The following GALNTL6 variants were observed in gnomAD, a reference collection of about 807,000 sequenced individuals.
The protein encoded by GALNTL6 is polypeptide N-acetylgalactosaminyltransferase-like 6.
A neutral mutation model predicts 73.7 loss-of-function variants in GALNTL6; 46 were observed. The observed-to-expected ratio is 0.62, with a 90% confidence interval of 0.49 to 0.80. The LOEUF is 0.80. GALNTL6 is among the 30% of genes least tolerant of loss of function. GALNTL6 has a pLI of 0.00. For missense variants in GALNTL6, 604 were observed against 755.0 expected, an observed-to-expected ratio of 0.80 and a Z score of 2.34; for synonymous variants, 259 against 263.7, an observed-to-expected ratio of 0.98 and a Z score of 0.17.
intron 5 of GALNTL6, among the ~76,000 whole-genome samples, chr4:172,613,167 A>G (rs1738594088): frequency 6.6e-6 from 1 of 152,142 alleles, no homozygotes; most frequent in South Asian, 2.1e-4. Context: ...AGATAGACAT[A>G]TAGATGCTGG....
chr4:172,667,201 A>G (rs1163990937), intron 5 of GALNTL6: 1 of 152,154 alleles, frequency 6.6e-6, no homozygotes, highest in Non-Finnish European at 1.5e-5. Flanking sequence ...TTCCATTAGC[A>G]TTACAGCTAC....
At chr4:172,847,418 G>A (rs1450196383) in intron 7 of GALNTL6, among the ~76,000 whole-genome samples, 5 of 152,040 alleles carry the variant, frequency 3.3e-5, no homozygotes, top group African/African-American at 9.7e-5. Flanking sequence ...GTGCACAAAT[G>A]AGAAAGTTTG....
intron 5 of GALNTL6, among the ~76,000 whole-genome samples, chr4:172,442,085 T>C (rs1225588380): frequency 1.3e-5 from 2 of 152,170 alleles, no homozygotes; most frequent in Non-Finnish European, 2.9e-5. Context: ...TAAACACATA[T>C]GAAACAAGGT....
chr4:172,222,206 A>C (rs1261806539), intron 2 of GALNTL6, among the ~76,000 whole-genome samples: 5 of 151,934 alleles, frequency 3.3e-5, no homozygotes, highest in African/African-American at 4.8e-5. Context: ...ACCTCTGCCT[A>C]TGCAAAGAGG....
At chr4:172,728,507 AAT>A (rs1735960367) in intron 5 of GALNTL6, among the ~76,000 whole-genome samples, 1 of 150,286 alleles carries the variant, frequency 6.7e-6, no homozygotes, top group Non-Finnish European at 1.5e-5. Context: ...TATACAATGA[AAT>A]ATATATGTAC....
chr4:172,622,777 G>A (rs544219801), intron 5 of GALNTL6, among the ~76,000 whole-genome samples: 2 of 152,218 alleles, frequency 1.3e-5, no homozygotes, highest in African/African-American at 2.4e-5. Flanking sequence ...AGTAGAAACC[G>A]ACCTAGCCCA....
In GALNTL6 at chr4:172,528,963, A is replaced by ATATATATATATG. The variant is rs1350827830; in HGVS notation, c.553+180275_553+180276insATATATATATGT. Among the ~76,000 whole-genome samples the ATATATATATATG allele has an allele frequency of 7.9e-3, 240 of 30,234 alleles. 31 individuals are homozygous for ATATATATATATG. The highest frequency in any genetic ancestry group is 0.062 in the Middle Eastern group (2 of 32). The allele number at this position is 30,234 out of a possible 152,430, so 19.8% of individuals were successfully genotyped here. Reference sequence around the variant, plus strand: ...TGTTTTCCCAAAGGCATATATATATATGTGTGTGTATATTTATACATATGT... The same window carrying ATATATATATATG: ...TGTTTTCCCAAAGGCATATATATATATATATATATATGTGTGTGTGTATATTTATACATATGT... On this transcript the variant is annotated intron_variant, in intron 5 of 12. Transcript: ENST00000506823.
intron 5 of GALNTL6, among the ~76,000 whole-genome samples, chr4:172,629,587 T>A (rs1685182861): frequency 6.6e-6 from 1 of 152,332 alleles, no homozygotes; most frequent in South Asian, 2.1e-4. Flanking sequence ...GTACAAAATT[T>A]AAAATTCAAC....
intron 10 of GALNTL6, among the ~76,000 whole-genome samples, chr4:172,969,991 C>T (rs967034716): frequency 9.9e-5 from 15 of 152,198 alleles, no homozygotes; most frequent in Middle Eastern, 3.4e-3. Context: ...GGTGACATCA[C>T]GTATTGGTAG....
At chr4:172,645,768 T>C (rs1740215694) in intron 5 of GALNTL6, among the ~76,000 whole-genome samples, 1 of 151,968 alleles carries the variant, frequency 6.6e-6, no homozygotes, top group African/African-American at 2.4e-5. Context: ...GATGAAGAGA[T>C]GGATAGTCAT....
intron 5 of GALNTL6, among the ~76,000 whole-genome samples, chr4:172,580,740 A>G (rs896479669): frequency 1.3e-5 from 2 of 152,132 alleles, no homozygotes; most frequent in Non-Finnish European, 2.9e-5. Context: ...TACATTATTT[A>G]ACTGTAGGAT....
intron 4 of GALNTL6, among the ~76,000 whole-genome samples, chr4:172,340,189 G>A (rs1741512185): frequency 6.6e-6 from 1 of 152,060 alleles, no homozygotes; most frequent in South Asian, 2.1e-4. Context: ...GTTTGTGAGA[G>A]TCTTTAACTT....
chr4:172,723,433 T>C (rs754050135), intron 5 of GALNTL6, among the ~76,000 whole-genome samples: 2 of 152,198 alleles, frequency 1.3e-5, no homozygotes, highest in African/African-American at 2.4e-5. Flanking sequence ...CATCTAATCA[T>C]AGGAAATTAT....
chr4:172,280,546 A>C (rs184154130), intron 3 of GALNTL6, among the ~76,000 whole-genome samples: 5 of 151,778 alleles, frequency 3.3e-5, no homozygotes, highest in African/African-American at 1.2e-4. Flanking sequence ...AACCATCCAG[A>C]GTTCAAGACT....
At chr4:172,688,261 GTTTGGAATGTTTC>G (rs1161633586) in intron 5 of GALNTL6, among the ~76,000 whole-genome samples, 4 of 152,340 alleles carry the variant, frequency 2.6e-5, no homozygotes, top group Admixed American at 6.5e-5. Flanking sequence ...CTTTGCCCAA[GTTTGGAATGTTTC>G]TTTTATGAAT....
At chr4:172,118,578 TAGTCCCAGCTACTCAGGAGGC>T (rs1400558845) in intron 2 of GALNTL6, among the ~76,000 whole-genome samples, 20 of 152,090 alleles carry the variant, frequency 1.3e-4, no homozygotes, top group Admixed American at 1.3e-4. Flanking sequence ...CATATGCCTG[TAGTCCCAGCTACTCAGGAGGC>T]TGAGGCATGA....
At chr4:172,715,727 T>C (rs1735036732) in intron 5 of GALNTL6, among the ~76,000 whole-genome samples, 2 of 152,204 alleles carry the variant, frequency 1.3e-5, no homozygotes, top group Non-Finnish European at 2.9e-5. Context: ...CTTTTTACAA[T>C]GAAAAAGATA....
At chr4:173,002,983 G>A (rs1256844995) in intron 10 of GALNTL6, among the ~76,000 whole-genome samples, 1 of 152,110 alleles carries the variant, frequency 6.6e-6, no homozygotes, top group African/African-American at 2.4e-5. Flanking sequence ...AGAAGGGGAA[G>A]TAGGGAGTTA....
intron 12 of GALNTL6, among the ~76,000 whole-genome samples, 160 bp downstream of exon 12, chr4:173,021,785 G>A (rs1753001139): frequency 6.6e-6 from 1 of 151,970 alleles, no homozygotes; most frequent in African/African-American, 2.4e-5. Context: ...CCTGAGGTTG[G>A]AGTTTGAGAC....
Sources: allele counts gnomAD v4.1 joint callset (sites outside exome capture counted in the v4.1 genomes callset), GRCh38; gene constraint gnomAD v4.1.1; transcripts MANE v1.5; gene names NCBI Gene and HGNC (gene_info 2026-07-23, HGNC 2026-07-21).